RBM25: variants seen among roughly 807,000 people sequenced by gnomAD.
RBM25 encodes RNA-binding protein 25.
A neutral mutation model predicts 120.7 loss-of-function variants in RBM25; 19 were observed. That is an observed-to-expected ratio of 0.16 (90% confidence interval 0.11 to 0.23). RBM25 has a LOEUF of 0.23. RBM25 is among the 10% of genes least tolerant of loss of function. The pLI, the probability that RBM25 is intolerant of heterozygous loss-of-function variation, is 1.00. For synonymous variants in RBM25, 390 were observed against 326.7 expected (o/e 1.19, Z -2.09); for missense variants, 605 against 1,041.5 (o/e 0.58, Z 5.77).
chr14:73,079,963 A>G (rs910017157), intron 4 of RBM25, among the ~76,000 whole-genome samples: 2 of 150,586 alleles, frequency 1.3e-5, no homozygotes, highest in African/African-American at 4.8e-5. Flanking sequence ...AATTCAGGAA[A>G]GTCAGAAGGT....
chr14:73,113,475 G>A (rs1896357989), intron 17 of RBM25, among the ~76,000 whole-genome samples: 1 of 151,826 alleles, frequency 6.6e-6, no homozygotes, highest in Non-Finnish European at 1.5e-5. Context: ...CAGAACACTT[G>A]TGGTCACGAG....
chr14:73,076,030 A>T (rs1207060715), intron 2 of RBM25, among the ~76,000 whole-genome samples: 1 of 152,182 alleles, frequency 6.6e-6, no homozygotes, highest in South Asian at 2.1e-4. Context: ...TTTGAGGATC[A>T]CCGAACCACA....
Position 73,105,949 on chromosome 14 carries a change from A to AGAGCGAGAGAGG in RBM25, c.1248_1259dup (p.Arg423_Glu426dup). ...GAGAACGAGAACGGGAGCGAGAGAG[A>AGAGCGAGAGAGG]GAGCGAGAGAGGGAACGGGAGCGAG... On this transcript the variant is annotated inframe_insertion, in exon 11 of 19. Transcript: ENST00000261973. 6.2e-7 allele frequency: 1 copy of AGAGCGAGAGAGG among 1,613,498 alleles called. No homozygotes were observed. The highest frequency in any genetic ancestry group is 8.5e-7 in the Non-Finnish European group (1 of 1,179,676).
chr14:73,075,551 C>G (rs1340479224), intron 2 of RBM25, among the ~76,000 whole-genome samples: 1 of 152,162 alleles, frequency 6.6e-6, no homozygotes, highest in Non-Finnish European at 1.5e-5. Context: ...AAATAACTGT[C>G]AAAAGATTTG....
chr14:73,065,366 G>T (rs1895104766), intron 1 of RBM25, among the ~76,000 whole-genome samples: 1 of 151,838 alleles, frequency 6.6e-6, no homozygotes, highest in East Asian at 1.9e-4. Context: ...GACCTCAAGT[G>T]ATCGGTCTGC....
At chr14:73,071,240 CAAAAAAAA>C (rs11325196) in intron 1 of RBM25, among the ~76,000 whole-genome samples, 1 of 108,860 alleles carries the variant, frequency 9.2e-6, no homozygotes, top group Non-Finnish European at 1.9e-5. Context: ...GACTCTGTCT[CAAAAAAAA>C]AAAAAAAAAA....
At chr14:73,067,560 A>G (rs1167942187) in intron 1 of RBM25, among the ~76,000 whole-genome samples, 1 of 145,970 alleles carries the variant, frequency 6.9e-6, no homozygotes, top group East Asian at 2.0e-4. Context: ...ATGTGCCACC[A>G]CGCCTGGATA....
At chr14:73,117,093 T>C (rs1237456884) in intron 18 of RBM25, among the ~76,000 whole-genome samples, 5 of 152,050 alleles carry the variant, frequency 3.3e-5, no homozygotes. Context: ...TACAACAGAG[T>C]TCTTCAACTA....
At chr14:73,108,228 C>T (rs958743934) in intron 13 of RBM25, among the ~76,000 whole-genome samples, 8 of 152,082 alleles carry the variant, frequency 5.3e-5, no homozygotes, top group African/African-American at 1.2e-4. Flanking sequence ...GGTCTTACCT[C>T]GGCTGGAATG....
chr14:73,111,049 T>C lies in RBM25; in HGVS notation c.1911T>C (p.Thr637=), dbSNP rs756869986. The C allele has an allele frequency of 1.9e-6, 3 of 1,614,090 alleles. No individual in the cohort carries two copies. Among genetic ancestry groups the C allele is most frequent in the South Asian group, 1.1e-5 (1 of 91,078 alleles). ...SSASGNATPN[T]PGDESPCGII... ...CCAGTGGCAATGCAACACCTAACACTCCTGGGGATGAGTCTCCCTGTGGTA... is the reference window on the plus strand; with the variant it reads ...CCAGTGGCAATGCAACACCTAACACCCCTGGGGATGAGTCTCCCTGTGGTA... The change falls in exon 15 of 19, where the codon ACT becomes ACC. Residue 637 remains threonine (T), a synonymous_variant. Transcript: ENST00000261973.
Position 73,103,422 on chromosome 14 carries a change from TC to T in RBM25, c.1099del (p.Arg367ValfsTer130). 6.2e-7 allele frequency: 1 copy of T among 1,613,288 alleles called. No homozygotes were observed. The highest frequency in any genetic ancestry group is 8.5e-7 in the Non-Finnish European group (1 of 1,179,744). ...ACCGAGATCGGGATCGAGAGAGAGATCGTGACCGGGATAGAGAAAGGAGCTC... is the reference window on the plus strand; with the variant it reads ...ACCGAGATCGGGATCGAGAGAGAGATGTGACCGGGATAGAGAAAGGAGCTC... ...RDRDRDRERD[R>X]DRDRERSSDR... On this transcript the variant is annotated frameshift_variant, in exon 10 of 19. Transcript: ENST00000261973. LOFTEE classifies it high-confidence loss of function.
Position 73,106,036 on chromosome 14 carries a change from A to G in RBM25, c.1332A>G (p.Arg444=), listed in dbSNP as rs1164403592. The part of the protein sequence containing the change: ...EEDEEDAYER[R]KLERKLREKE... ...ATGAAGAAGATGCATACGAACGAAG[A>G]AAACTTGAAAGAAAACTCCGAGAGA... is the stretch of plus-strand genomic sequence containing the variant. Residue 444 remains arginine (R), a synonymous_variant, in exon 11 of 19, where the codon AGA becomes AGG. Coordinates refer to ENST00000261973, the MANE Select transcript of RBM25 (RefSeq NM_021239.3). The G allele has an allele frequency of 1.9e-6, 3 of 1,610,636 alleles. No homozygotes were observed. The highest frequency in any genetic ancestry group is 2.5e-6 in the Non-Finnish European group (3 of 1,179,298).
At chr14:73,103,911 C>G (rs986405394) in intron 10 of RBM25, among the ~76,000 whole-genome samples, 10 of 69,558 alleles carry the variant, frequency 1.4e-4, no homozygotes, top group South Asian at 6.2e-4. Flanking sequence ...GTCTGTCTCT[C>G]TCTCTCTCTC....
chr14:73,107,962 C>T (rs779326953), intron 13 of RBM25, 63 bp downstream of exon 13: 51 of 1,144,712 alleles, frequency 4.5e-5, no homozygotes, highest in Non-Finnish European at 6.1e-5. Context: ...TTTCCATCTG[C>T]ACAGTTGATA....
At chr14:73,106,138 A>G (rs1170354199) in intron 11 of RBM25, 57 bp downstream of exon 11, 3 of 1,584,030 alleles carry the variant, frequency 1.9e-6, no homozygotes, top group East Asian at 4.5e-5. Context: ...TAGGTTAATC[A>G]ATATTTATAG....
Position 73,121,976 on chromosome 14 carries a change from A to C in RBM25, c.*2171A>C, listed in dbSNP as rs1896547932. ...TACAGTAAATGTGGTAGAAACTGTT[A>C]ATCGCTTAATGCCAGTTTAAATCAT... On this transcript the variant is annotated 3_prime_UTR_variant, in exon 19 of 19. Coordinates refer to ENST00000261973, the MANE Select transcript of RBM25 (RefSeq NM_021239.3). 1 of 152,230 alleles carries C rather than the reference A, an allele frequency of 6.6e-6. No homozygotes were observed. Among genetic ancestry groups the C allele is most frequent in the Admixed American group, 6.5e-5 (1 of 15,274 alleles). 9.4% of individuals were successfully genotyped at this position (152,230 alleles called of 1,614,324 possible).
Position 73,111,814 on chromosome 14 carries a change from A to G in RBM25, c.2292+12A>G, listed in dbSNP as rs1896314712. 6.4e-7 allele frequency: 1 copy of G among 1,563,462 alleles called. No homozygotes were observed. Among genetic ancestry groups the G allele is most frequent in the Non-Finnish European group, 8.6e-7 (1 of 1,160,160 alleles). ...CTATTGTGGATTCTGTGAGTAGGAA[A>G]TTATATTTCATCATATTATTGGGAA... On this transcript the variant is annotated intron_variant, in intron 16 of 18. Coordinates refer to ENST00000261973, the MANE Select transcript of RBM25 (RefSeq NM_021239.3).
At chr14:73,082,262 CTTCT>C (rs1895580207) in intron 4 of RBM25, among the ~76,000 whole-genome samples, 1 of 152,078 alleles carries the variant, frequency 6.6e-6, no homozygotes, top group African/African-American at 2.4e-5. Context: ...CACCCTCCTC[CTTCT>C]GTCTTTTTTT....
At chr14:73,082,491 A>G (rs547196938) in intron 4 of RBM25, among the ~76,000 whole-genome samples, 22 of 152,002 alleles carry the variant, frequency 1.4e-4, no homozygotes, top group African/African-American at 4.8e-4. Context: ...GTGTCTCCCT[A>G]TGTTGCCCAG....
Sources: gnomAD v4.1 joint callset for allele counts (sites outside exome capture counted in the v4.1 genomes callset) on GRCh38, gnomAD v4.1.1 for gene constraint, MANE v1.5 for transcripts, NCBI Gene and HGNC (gene_info 2026-07-23, HGNC 2026-07-21) for gene names.